ADGRD1: variants seen among roughly 807,000 people sequenced by gnomAD.
ADGRD1 encodes adhesion G protein-coupled receptor D1, also known as G-protein coupled receptor 133.
A neutral mutation model predicts 113.4 loss-of-function variants in ADGRD1; 77 were observed. The ratio of observed to expected loss-of-function variants is 0.68; its 90% CI spans 0.57 to 0.82. ADGRD1 has a LOEUF of 0.82. Among genes scored for constraint, ADGRD1 ranks in the 40% least tolerant of loss-of-function variants. ADGRD1 has a pLI of 0.00. For missense variants in ADGRD1, 1,036 were observed against 1,139.1 expected (o/e 0.91, Z 1.30); for synonymous variants, 474 against 475.0 (o/e 1.00, Z 0.03).
At chr12:130,999,368 C>T (rs989507130) in intron 8 of ADGRD1, among the ~76,000 whole-genome samples, 29 of 152,330 alleles carry the variant, frequency 1.9e-4, no homozygotes, top group East Asian at 9.6e-4. Flanking sequence ...GCCCCTGCTC[C>T]GGCTCAGTGA....
At chr12:131,091,457 C>T (rs4759542) in intron 15 of ADGRD1, among the ~76,000 whole-genome samples, 39,339 of 152,144 alleles carry the variant, frequency 0.26, 5,964 homozygotes, top group South Asian at 0.44. Flanking sequence ...TCACGAAACG[C>T]GGTGTAACTG....
Position 130,954,979 on chromosome 12 carries a change from C to CTTTTT in ADGRD1, c.103+322_103+326dup, listed in dbSNP as rs145367340. 0.03 allele frequency among the ~76,000 whole-genome samples: 4,516 copies of CTTTTT among 151,552 alleles called. 240 individuals are homozygous for CTTTTT. The highest frequency in any genetic ancestry group is 0.11 in the African/African-American group (4,338 of 41,056). On this transcript the variant is annotated intron_variant, in intron 2 of 24. Transcript: ENST00000261654. The surrounding 1 kb of genome is among the most constrained non-coding windows in gnomAD (Gnocchi z 4.7). ...TCTTTCTCTCTTTCTTCCTTTCTTC[C>CTTTTT]TTTTTTTCTTTTTGAGATGGAGTCT...
rs145410152 is a variant in ADGRD1, at chr12:131,119,338, C to T, written c.2108+887C>T. ...GCATTTGTAGAAGGCAGTGTCTGAG[C>T]GCACAGTGAAACAAGCATGGTTACG... On this transcript the variant is annotated intron_variant, in intron 19 of 24. Coordinates refer to ENST00000261654, the MANE Select transcript of ADGRD1 (RefSeq NM_198827.5). 9.2e-5 allele frequency among the ~76,000 whole-genome samples: 14 copies of T among 152,324 alleles called. No individual in the cohort carries two copies. The East Asian group carries it at 2.1e-3, about 23-fold the overall frequency.
intron 13 of ADGRD1, among the ~76,000 whole-genome samples, chr12:131,055,490 A>G (rs772148442): frequency 1.3e-5 from 2 of 152,214 alleles, no homozygotes; most frequent in Non-Finnish European, 2.9e-5. Context: ...AACACGTTAA[A>G]TAATATCTTT....
At chr12:131,081,027 A>T (rs1886032334) in intron 14 of ADGRD1, among the ~76,000 whole-genome samples, 1 of 152,210 alleles carries the variant, frequency 6.6e-6, no homozygotes, top group Admixed American at 6.5e-5. Flanking sequence ...ATCATTACAT[A>T]ATGTCCCTCT....
intron 5 of ADGRD1, 120 bp from the exon 6 acceptor site, chr12:130,986,975 C>T (rs2136626157): frequency 2.5e-6 from 2 of 795,366 alleles, no homozygotes; most frequent in South Asian, 1.7e-5. Flanking sequence ...TTAGGACGCA[C>T]CACAGTTAAC....
intron 3 of ADGRD1, chr12:130,970,988 C>T (rs113445026): frequency 0.034 from 5,158 of 152,696 alleles, 157 homozygotes; most frequent in African/African-American, 0.071. Context: ...TGCACTGAAA[C>T]GTTCCACTTG....
At chr12:131,093,171 G>A (rs12303446) in intron 15 of ADGRD1, among the ~76,000 whole-genome samples, 1,646 of 152,232 alleles carry the variant, frequency 0.011, 16 homozygotes, top group Middle Eastern at 0.017. Flanking sequence ...ACTGTGGGAG[G>A]GAGGATGCTT....
Position 131,084,082 on chromosome 12 carries a change from T to A in ADGRD1, c.1548-458T>A, listed in dbSNP as rs1393766859. 6.6e-6 allele frequency among the ~76,000 whole-genome samples: 1 copy of A among 152,212 alleles called. No individual in the cohort carries two copies. The highest frequency in any genetic ancestry group is 1.5e-5 in the Non-Finnish European group (1 of 68,034). ...TGCGAGGTCTTTTATCATATTTCTC[T>A]CTCCCACACTGCACTCACCCGTTTC... On this transcript the variant is annotated intron_variant, in intron 14 of 24. Transcript: ENST00000261654. The surrounding 1 kb of genome is among the most constrained non-coding windows in gnomAD (Gnocchi z 4.5).
At chr12:131,095,776 G>C (rs1887236727) in intron 15 of ADGRD1, among the ~76,000 whole-genome samples, 1 of 152,206 alleles carries the variant, frequency 6.6e-6, no homozygotes. Flanking sequence ...TTGGGAATTA[G>C]AGTGGGGATG....
rs183027178 is a variant in ADGRD1, at chr12:131,084,112, G to A, written c.1548-428G>A. Among the ~76,000 whole-genome samples, 59 of 152,250 alleles carry A rather than the reference G, an allele frequency of 3.9e-4. No homozygotes were observed. The highest frequency in any genetic ancestry group is 2.6e-4 in the Admixed American group (4 of 15,294). On this transcript the variant is annotated intron_variant, in intron 14 of 24. Transcript: ENST00000261654. This position sits in a 1 kb window ranked among gnomAD's most constrained non-coding sequence, Gnocchi z 4.5. The stretch of plus-strand genomic sequence containing the variant: ...CACACTGCACTCACCCGTTTCCCCC[G>A]ATGGGCATTTATGTTACCGTCACTC...
intron 20 of ADGRD1, among the ~76,000 whole-genome samples, chr12:131,124,717 C>A (rs61936961): frequency 9.2e-6 from 1 of 108,470 alleles, no homozygotes. Flanking sequence ...CACTGCCCAC[C>A]GCCCCTTCTC....
chr12:130,982,772 C>CA (rs1555237786), intron 5 of ADGRD1, among the ~76,000 whole-genome samples: 1 of 152,008 alleles, frequency 6.6e-6, no homozygotes, highest in Non-Finnish European at 1.5e-5. Flanking sequence ...GAGACATGGA[C>CA]GTGGGGCAGT....
In ADGRD1 at chr12:131,004,000, C is replaced by G. The variant is rs1876746338; in HGVS notation, c.1145-186C>G. 6.6e-6 allele frequency among the ~76,000 whole-genome samples: 1 copy of G among 150,630 alleles called. No individual in the cohort carries two copies. Among genetic ancestry groups the G allele is most frequent in the Non-Finnish European group, 1.5e-5 (1 of 67,826 alleles). On this transcript the variant is annotated intron_variant, in intron 10 of 24. Coordinates refer to ENST00000261654, the MANE Select transcript of ADGRD1 (RefSeq NM_198827.5). This position sits in a 1 kb window ranked among gnomAD's most constrained non-coding sequence, Gnocchi z 4.8. ...CTGAGCCTCCCCGTGGCAGTCACTG[C>G]CTGGGCTCTTCATTGCTTTACCCTT...
intron 11 of ADGRD1, among the ~76,000 whole-genome samples, chr12:131,005,517 C>G (rs1216331267): frequency 2.0e-5 from 3 of 152,252 alleles, no homozygotes; most frequent in African/African-American, 7.2e-5. Context: ...TTCTGCCTCA[C>G]TCAGTGTTGC....
intron 19 of ADGRD1, among the ~76,000 whole-genome samples, chr12:131,120,417 G>T (rs1410335147): frequency 2.6e-5 from 4 of 152,174 alleles, no homozygotes; most frequent in Non-Finnish European, 5.9e-5. Context: ...CAGTTGGAGG[G>T]CACGGAGAGA....
intron 8 of ADGRD1, chr12:130,994,417 T>C (rs940708010): frequency 3.7e-6 from 1 of 273,332 alleles, no homozygotes; most frequent in Admixed American, 3.9e-5. Context: ...AGGTATGCAG[T>C]CGGGGCTTCA....
chr12:131,030,383 T>G (rs74411915), intron 13 of ADGRD1, among the ~76,000 whole-genome samples: 6,014 of 151,646 alleles, frequency 0.04, 333 homozygotes, highest in African/African-American at 0.12. Flanking sequence ...ACTGTGCCGC[T>G]GAAATTGTTG....
intron 15 of ADGRD1, among the ~76,000 whole-genome samples, chr12:131,100,404 G>T (rs1950042404): frequency 6.6e-6 from 1 of 152,032 alleles, no homozygotes; most frequent in African/African-American, 2.4e-5. Flanking sequence ...TGATGGGTTG[G>T]TTGTTGGTAA....
Sources: allele counts gnomAD v4.1 joint callset (sites outside exome capture counted in the v4.1 genomes callset), GRCh38; gene constraint gnomAD v4.1.1; non-coding constraint Gnocchi (gnomAD v3.1); transcripts MANE v1.5; gene names NCBI Gene and HGNC (gene_info 2026-07-23, HGNC 2026-07-21).